Variants in PPM1E observed in about 807,000 individuals in gnomAD.
The protein encoded by PPM1E is protein phosphatase, Mg2+/Mn2+ dependent 1E, also known as protein phosphatase 1E.
PPM1E carries 20 observed loss-of-function variants against 65.9 expected under a neutral mutation model. The observed-to-expected ratio is 0.30, with a 90% CI of 0.21 to 0.44. The LOEUF (loss-of-function observed/expected upper bound fraction) is 0.44. Among genes scored for constraint, PPM1E ranks in the 20% least tolerant of loss-of-function variants. The pLI, the probability that PPM1E is intolerant of heterozygous loss-of-function variation, is 1.00. For synonymous variants in PPM1E, 352 were observed against 374.9 expected, an observed-to-expected ratio of 0.94 and a Z score of 0.70; for missense variants, 713 against 953.1, an observed-to-expected ratio of 0.75 and a Z score of 3.32.
chr17:58,964,525 T>C (rs1352159639), intron 2 of PPM1E, among the ~76,000 whole-genome samples: 1 of 152,052 alleles, frequency 6.6e-6, no homozygotes, highest in Non-Finnish European at 1.5e-5. Flanking sequence ...GCGGTAGACA[T>C]AGGTGAAGTG....
intron 1 of PPM1E, among the ~76,000 whole-genome samples, chr17:58,898,530 G>A (rs1408654209): frequency 6.6e-6 from 1 of 152,178 alleles, no homozygotes; most frequent in Non-Finnish European, 1.5e-5. Context: ...AGAGGATGTG[G>A]AGAAATAGGA....
Position 58,972,681 on chromosome 17 carries a change from A to G in PPM1E, c.1117-151A>G, listed in dbSNP as rs577687898. The G allele has an allele frequency of 1.2e-3, 818 of 683,756 alleles. 1 individual carries two copies. Among genetic ancestry groups the G allele is most frequent in the Non-Finnish European group, 1.7e-3 (692 of 396,198 alleles). 42.4% of individuals were successfully genotyped at this position (683,756 alleles called of 1,614,324 possible). ...TCACTTAATTATTACAATTATTGCT[A>G]TCACATCAGCAACTGTGCCCACCCT... On this transcript the variant is annotated intron_variant, in intron 5 of 6. Transcript: ENST00000308249.
intron 1 of PPM1E, among the ~76,000 whole-genome samples, chr17:58,827,238 A>G (rs1374671882): frequency 6.7e-6 from 1 of 149,356 alleles, no homozygotes; most frequent in Non-Finnish European, 1.5e-5. Flanking sequence ...CCTGGGTTCA[A>G]GCGATTCTCC....
chr17:58,798,778 C>CT (rs1478390206), intron 1 of PPM1E, among the ~76,000 whole-genome samples: 1 of 152,032 alleles, frequency 6.6e-6, no homozygotes, highest in African/African-American at 2.4e-5. Flanking sequence ...ACTGCACCCT[C>CT]TGCCTCCTGG....
rs539970553 is a variant in PPM1E, at chr17:58,954,752, C to T, written c.465-897C>T. On this transcript the variant is annotated intron_variant, in intron 1 of 6. Transcript: ENST00000308249. Reference sequence around the variant, plus strand: ...AATTAGCCAGGCATGGTGACATACACCTGTAGTCCCAACTACTCAGGAGGC... The same window carrying T: ...AATTAGCCAGGCATGGTGACATACATCTGTAGTCCCAACTACTCAGGAGGC... Among the ~76,000 whole-genome samples the T allele has an allele frequency of 2.0e-5, 3 of 152,100 alleles. No individual in the cohort carries two copies. In the South Asian group the frequency reaches 6.2e-4, roughly 32 times the overall value.
At chr17:58,812,271 TCCC>T (rs2050375939) in intron 1 of PPM1E, among the ~76,000 whole-genome samples, 1 of 112,244 alleles carries the variant, frequency 8.9e-6, no homozygotes, top group Non-Finnish European at 1.6e-5. Flanking sequence ...GCCACTGAAC[TCCC>T]ACCTGGGCGA....
At chr17:58,958,764 G>T (rs2029929931) in intron 2 of PPM1E, among the ~76,000 whole-genome samples, 3 of 151,510 alleles carry the variant, frequency 2.0e-5, no homozygotes, top group African/African-American at 7.3e-5. Flanking sequence ...TAATTCCAAT[G>T]GTTTTTTTTT....
intron 1 of PPM1E, among the ~76,000 whole-genome samples, chr17:58,839,913 TA>T (rs1260531815): frequency 4.6e-5 from 7 of 152,296 alleles, no homozygotes; most frequent in South Asian, 2.1e-4. Flanking sequence ...TTTAGAAGTT[TA>T]CAACACCACC....
chr17:58,946,864 C>A (rs1347424066), intron 1 of PPM1E, among the ~76,000 whole-genome samples: 2 of 151,738 alleles, frequency 1.3e-5, no homozygotes, highest in African/African-American at 4.8e-5. Context: ...TCTGCTTGTG[C>A]TTTTGGTGTC....
chr17:58,844,389 A>G (rs1014335439), intron 1 of PPM1E, among the ~76,000 whole-genome samples: 1 of 152,220 alleles, frequency 6.6e-6, no homozygotes, highest in Non-Finnish European at 1.5e-5. Context: ...AATAAAAATG[A>G]GAACATAATG....
At chr17:58,888,389 G>T (rs1275252548) in intron 1 of PPM1E, among the ~76,000 whole-genome samples, 1 of 112,276 alleles carries the variant, frequency 8.9e-6, no homozygotes, top group Non-Finnish European at 1.7e-5. Context: ...TTTTGAGACA[G>T]AGTCTTGTTC....
At chr17:58,801,347 CTGT>C (rs1235661927) in intron 1 of PPM1E, among the ~76,000 whole-genome samples, 1 of 151,662 alleles carries the variant, frequency 6.6e-6, no homozygotes, top group Non-Finnish European at 1.5e-5. Context: ...ATATTTATGA[CTGT>C]TGTTTGTTTG....
At chr17:58,833,230 T>C (rs920768729) in intron 1 of PPM1E, among the ~76,000 whole-genome samples, 2 of 151,582 alleles carry the variant, frequency 1.3e-5, no homozygotes, top group African/African-American at 4.9e-5. Flanking sequence ...TCCCATGTGC[T>C]AGCCGTTTAC....
At chr17:58,757,050 A>G (rs376877772) in intron 1 of PPM1E, among the ~76,000 whole-genome samples, 5 of 152,204 alleles carry the variant, frequency 3.3e-5, no homozygotes, top group African/African-American at 1.2e-4. Flanking sequence ...TCAGGTGCTC[A>G]GTGTTGAAAG....
chr17:58,890,237 A>C (rs958792560), intron 1 of PPM1E, among the ~76,000 whole-genome samples: 9 of 152,226 alleles, frequency 5.9e-5, no homozygotes, highest in Non-Finnish European at 1.0e-4. Context: ...ACTCAAGGCC[A>C]AGAGTTAAGA....
chr17:58,924,888 C>A (rs2051804980), intron 1 of PPM1E, among the ~76,000 whole-genome samples: 1 of 151,988 alleles, frequency 6.6e-6, no homozygotes, highest in East Asian at 1.9e-4. Flanking sequence ...TCATCCATGT[C>A]CCTGCAAAGA....
chr17:58,765,585 G>T (rs2049866360), intron 1 of PPM1E, among the ~76,000 whole-genome samples: 1 of 152,148 alleles, frequency 6.6e-6, no homozygotes, highest in Non-Finnish European at 1.5e-5. Flanking sequence ...CTGTTTAAAA[G>T]ATTGAGAGTA....
At chr17:58,854,440 C>A (rs572183096) in intron 1 of PPM1E, among the ~76,000 whole-genome samples, 21 of 152,268 alleles carry the variant, frequency 1.4e-4, no homozygotes, top group Admixed American at 5.2e-4. Flanking sequence ...GTACTTCTAG[C>A]ACTCTGTAGA....
chr17:58,921,168 A>G (rs1351197014), intron 1 of PPM1E, among the ~76,000 whole-genome samples: 1 of 152,208 alleles, frequency 6.6e-6, no homozygotes, highest in Non-Finnish European at 1.5e-5. Context: ...TTAAGAGACA[A>G]TGGGAATAAA....
Sources: allele counts gnomAD v4.1 joint callset (sites outside exome capture counted in the v4.1 genomes callset), GRCh38; gene constraint gnomAD v4.1.1; transcripts MANE v1.5; gene names NCBI Gene and HGNC (gene_info 2026-07-23, HGNC 2026-07-21).